The following ASAP2 variants were observed in gnomAD, a reference collection of about 807,000 sequenced individuals.
The protein encoded by ASAP2 is arf-GAP with SH3 domain, ANK repeat and PH domain-containing protein 2.
In ASAP2, 45 loss-of-function variants were observed where a neutral mutation model predicts 131.4. That is an observed-to-expected ratio of 0.34 (90% CI 0.27 to 0.44). ASAP2 has a LOEUF of 0.44. Ranked by LOEUF, ASAP2 falls within the 20% of genes least tolerant of loss-of-function variation. The pLI is 1.00. For missense variants in ASAP2, 1,011 were observed against 1,297.0 expected (o/e 0.78, Z 3.39); for synonymous variants, 510 against 503.0 (o/e 1.01, Z -0.19).
intron 7 of ASAP2, 113 bp downstream of exon 7, chr2:9,328,024 G>A (rs1342415156): frequency 1.4e-6 from 1 of 706,988 alleles, no homozygotes; most frequent in African/African-American, 1.9e-5. Context: ...TATAGTAAAG[G>A]GAATGAGGTG....
At chr2:9,212,825 G>T (rs1346458027) in intron 1 of ASAP2, among the ~76,000 whole-genome samples, 1 of 152,086 alleles carries the variant, frequency 6.6e-6, no homozygotes, top group East Asian at 1.9e-4. Context: ...CAGAGCCCCG[G>T]GTTCCACCCA....
chr2:9,263,617 G>A (rs1425072013), intron 1 of ASAP2, among the ~76,000 whole-genome samples: 2 of 152,242 alleles, frequency 1.3e-5, no homozygotes, highest in African/African-American at 4.8e-5. Flanking sequence ...CGCTCCCACC[G>A]AAGCCTCCGA....
At chr2:9,328,809 A>G (rs1670643081) in intron 7 of ASAP2, among the ~76,000 whole-genome samples, 1 of 152,230 alleles carries the variant, frequency 6.6e-6, no homozygotes, top group African/African-American at 2.4e-5. Context: ...CAGTGCTGGC[A>G]TAGTTCCTAC....
chr2:9,371,692 A>G (rs73150909), intron 16 of ASAP2, among the ~76,000 whole-genome samples: 237 of 152,316 alleles, frequency 1.6e-3, no homozygotes, highest in African/African-American at 5.4e-3. Flanking sequence ...CACAGGAGCC[A>G]GAACTGTTTC....
At position 9,303,169 on chromosome 2, in the gene ASAP2, C is replaced by T. The variant is rs72775212; in HGVS notation, c.345+5724C>T. Among the ~76,000 whole-genome samples the T allele has an allele frequency of 7.4e-3, 1,121 of 152,284 alleles. 5 individuals carry two copies. The highest frequency in any genetic ancestry group is 0.018 in the Admixed American group (273 of 15,294). ...TAAACAAGAGCAATGATCATAGTAT[C>T]ATCTTTTTGGGAGGAAGATTTAAGT... On this transcript the variant is annotated intron_variant, in intron 3 of 27. Transcript: ENST00000281419.
At chr2:9,231,566 C>G (rs1572208783) in intron 1 of ASAP2, among the ~76,000 whole-genome samples, 1 of 152,308 alleles carries the variant, frequency 6.6e-6, no homozygotes, top group Non-Finnish European at 1.5e-5. Flanking sequence ...CATTGAGATG[C>G]CCGGGTGCCG....
Position 9,393,587 on chromosome 2 carries a change from G to T in ASAP2, c.2624G>T (p.Arg875Met). 1 of 1,595,876 alleles carries T rather than the reference G, an allele frequency of 6.3e-7. No individual in the cohort carries two copies. Among genetic ancestry groups the T allele is most frequent in the Non-Finnish European group, 8.5e-7 (1 of 1,172,810 alleles). ...GCCCCGCCTGGGATCTCACAGATCA[G>T]GCCCCCACCTCTGCCCCCACAGCCG... ...KPAPPGISQIRPPPLPPQPPS... is the reference protein window; with the variant it reads ...KPAPPGISQIMPPPLPPQPPS... The change falls in exon 24 of 28, where the codon AGG (arginine) becomes ATG (methionine). Residue 875 changes from arginine (R) to methionine (M), a missense_variant. Coordinates refer to ENST00000281419, the MANE Select transcript of ASAP2 (RefSeq NM_003887.3).
chr2:9,349,886 G>T (rs10929576), intron 11 of ASAP2, among the ~76,000 whole-genome samples: 6,406 of 152,174 alleles, frequency 0.042, 364 homozygotes, highest in African/African-American at 0.12. Context: ...CCAAATTCAG[G>T]TTTTTTTCAT....
intron 1 of ASAP2, chr2:9,271,359 C>A: frequency 8.1e-7 from 1 of 1,228,942 alleles, no homozygotes; most frequent in Non-Finnish European, 1.2e-6. Context: ...AATATATGTT[C>A]TTGCACCTGT....
intron 3 of ASAP2, among the ~76,000 whole-genome samples, chr2:9,310,247 A>C (rs555455341): frequency 1.3e-4 from 20 of 152,296 alleles, no homozygotes; most frequent in Non-Finnish European, 2.8e-4. Context: ...CGTCTTTTCT[A>C]CCTCTCAAGT....
chr2:9,265,189 A>G (rs1340946075), intron 1 of ASAP2, among the ~76,000 whole-genome samples: 1 of 152,244 alleles, frequency 6.6e-6, no homozygotes, highest in Non-Finnish European at 1.5e-5. Context: ...CAGTGTAACA[A>G]CTGTTTACAT....
chr2:9,376,249 A>C (rs1674386285), intron 17 of ASAP2, among the ~76,000 whole-genome samples: 1 of 152,244 alleles, frequency 6.6e-6, no homozygotes, highest in Admixed American at 6.5e-5. Flanking sequence ...CCCAGCAGGC[A>C]GGGCAGGCGG....
intron 20 of ASAP2, among the ~76,000 whole-genome samples, chr2:9,382,602 C>G (rs778159240): frequency 3.7e-4 from 56 of 152,208 alleles, no homozygotes; most frequent in Non-Finnish European, 1.3e-4. Flanking sequence ...AGTGAATGAG[C>G]ACATTCATTC....
In ASAP2 at chr2:9,392,487, C is replaced by T. The variant is rs751152114; in HGVS notation, c.2519-995C>T. ...TGTGTGCACATGCCGGCAGCAGAGC[C>T]GGGAGCAGTGGGTCTGGGAGGGTCT... On this transcript the variant is annotated intron_variant, in intron 23 of 27. Coordinates refer to ENST00000281419, the MANE Select transcript of ASAP2 (RefSeq NM_003887.3). The surrounding 1 kb of genome is among the most constrained non-coding windows in gnomAD (Gnocchi z 4.0). 3.3e-5 allele frequency among the ~76,000 whole-genome samples: 5 copies of T among 152,096 alleles called. No homozygotes were observed. The highest frequency in any genetic ancestry group is 2.1e-4 in the South Asian group (1 of 4,824).
chr2:9,356,754 C>T (rs143373289), intron 14 of ASAP2, among the ~76,000 whole-genome samples: 92 of 152,258 alleles, frequency 6.0e-4, no homozygotes, highest in African/African-American at 1.7e-3. Flanking sequence ...AGCTTTAAGC[C>T]GCTGTCTGGC....
chr2:9,305,569 T>G (rs79719463), intron 3 of ASAP2, among the ~76,000 whole-genome samples: 26,092 of 28,620 alleles, frequency 0.91, 11,895 homozygotes, highest in Middle Eastern at 0.95. Flanking sequence ...GGAGGGGCTG[T>G]AGTAGTGAGG....
At chr2:9,400,627 G>A (rs2148829436) in intron 25 of ASAP2, 115 bp from the exon 26 acceptor site, 2 of 932,834 alleles carry the variant, frequency 2.1e-6, no homozygotes, top group South Asian at 1.4e-5. Context: ...CCCCTCAACA[G>A]ATCGGAACAC....
Position 9,210,441 on chromosome 2 carries a change from G to A in ASAP2, c.126+3211G>A, listed in dbSNP as rs148605108. The stretch of plus-strand genomic sequence containing the variant: ...GATTATATAGTTAGTGAGTCCACAG[G>A]CCCCAGTGAGGGCTTTTGGAGTGAG... On this transcript the variant is annotated intron_variant, in intron 1 of 27. Transcript: ENST00000281419. 1.9e-3 allele frequency among the ~76,000 whole-genome samples: 288 copies of A among 152,300 alleles called. 3 individuals are homozygous for A. Among genetic ancestry groups the A allele is most frequent in the Admixed American group, 0.015 (224 of 15,300 alleles).
chr2:9,225,371 A>G (rs1013991424), intron 1 of ASAP2, among the ~76,000 whole-genome samples: 5 of 152,194 alleles, frequency 3.3e-5, no homozygotes, highest in Admixed American at 2.6e-4. Context: ...TGTAGGACGC[A>G]TGGCCCTGTT....
Sources: gnomAD v4.1 joint callset for allele counts (sites outside exome capture counted in the v4.1 genomes callset) on GRCh38, gnomAD v4.1.1 for gene constraint, Gnocchi (gnomAD v3.1) non-coding constraint, MANE v1.5 for transcripts, NCBI Gene and HGNC (gene_info 2026-07-23, HGNC 2026-07-21) for gene names.